The following ZNF385D variants were observed in gnomAD, a reference collection of about 807,000 sequenced individuals.
ZNF385D encodes the protein zinc finger protein 659.
Under a neutral mutation model 35.8 loss-of-function variants are expected in ZNF385D, and 15 were observed. That is an observed-to-expected ratio of 0.42 (90% CI 0.28 to 0.64). The LOEUF (loss-of-function observed/expected upper bound fraction) is 0.64, where lower values mean the gene tolerates loss of function less well. Among genes scored for constraint, ZNF385D ranks in the 30% least tolerant of loss-of-function variants. The pLI, the probability that ZNF385D is intolerant of heterozygous loss-of-function variation, is 0.23. For missense variants in ZNF385D, 474 were observed against 494.6 expected (o/e 0.96, Z 0.39); for synonymous variants, 212 against 186.8 (o/e 1.13, Z -1.10).
chr3:21,665,167 G>A (rs2066367565), intron 1 of ZNF385D, 139 bp from the exon 2 acceptor site: 1 of 1,152,092 alleles, frequency 8.7e-7, no homozygotes, highest in Non-Finnish European at 1.2e-6. Context: ...CCTCAACTGG[G>A]AACCGGCCAA....
intron 3 of ZNF385D, chr3:21,511,905 T>A (rs1398092552): frequency 2.4e-6 from 1 of 416,348 alleles, no homozygotes; most frequent in East Asian, 7.1e-5. Flanking sequence ...TCCAAGCACT[T>A]TGGGAGGCTG....
chr3:21,704,611 C>T (rs925566762), intron 1 of ZNF385D, among the ~76,000 whole-genome samples: 6 of 151,864 alleles, frequency 4.0e-5, no homozygotes, highest in African/African-American at 7.3e-5. Flanking sequence ...CGGGTTCAAG[C>T]GATTCTTTTC....
At chr3:21,982,042 T>A (rs1024834364) in intron 3 of ZNF385D, among the ~76,000 whole-genome samples, 1 of 151,784 alleles carries the variant, frequency 6.6e-6, no homozygotes, top group Non-Finnish European at 1.5e-5. Context: ...CCTTGGCTAT[T>A]TGGGCTCTTT....
At chr3:21,746,927 A>G (rs1436817107) in intron 1 of ZNF385D, among the ~76,000 whole-genome samples, 1 of 152,188 alleles carries the variant, frequency 6.6e-6, no homozygotes, top group East Asian at 1.9e-4. Flanking sequence ...TGCTGACATG[A>G]GAATGTTCTA....
At chr3:21,620,979 C>T (rs898848073) in intron 2 of ZNF385D, among the ~76,000 whole-genome samples, 2 of 151,848 alleles carry the variant, frequency 1.3e-5, no homozygotes, top group African/African-American at 4.8e-5. Flanking sequence ...TGCCCACAGG[C>T]ATGCACATGT....
intron 3 of ZNF385D, among the ~76,000 whole-genome samples, chr3:21,981,776 C>T (rs904841499): frequency 3.3e-5 from 5 of 152,114 alleles, no homozygotes; most frequent in African/African-American, 1.2e-4. Flanking sequence ...CAATCTTCTG[C>T]TTATGGCTAG....
At chr3:22,073,728 T>C (rs1700335787) in intron 3 of ZNF385D, among the ~76,000 whole-genome samples, 1 of 152,018 alleles carries the variant, frequency 6.6e-6, no homozygotes, top group Non-Finnish European at 1.5e-5. Context: ...GGACAGTTTG[T>C]ATTAAGAACT....
chr3:21,989,054 G>T (rs1212826293), intron 3 of ZNF385D, among the ~76,000 whole-genome samples: 1 of 152,070 alleles, frequency 6.6e-6, no homozygotes, highest in Non-Finnish European at 1.5e-5. Context: ...CCCACTGTCT[G>T]GCACTCCCTA....
rs1360304967 is a variant in ZNF385D, at chr3:22,174,944, CAA to C, written c.107-5911_107-5910del. 3.3e-5 allele frequency among the ~76,000 whole-genome samples: 5 copies of C among 152,066 alleles called. No homozygotes were observed. In the East Asian group the frequency reaches 9.7e-4, roughly 29 times the overall value. On this transcript the variant is annotated intron_variant, in intron 2 of 5. Coordinates refer to the ZNF385D transcript ENST00000494108. ...ATGTCTAAATATTCCCCAAATTTTA[CAA>C]AAGTTTTGCTCAAAAAAACTTATTC...
At chr3:21,806,297 T>G (rs915055816) in intron 3 of ZNF385D, among the ~76,000 whole-genome samples, 2 of 151,772 alleles carry the variant, frequency 1.3e-5, no homozygotes, top group Non-Finnish European at 2.9e-5. Context: ...TGAATGCTCA[T>G]GGGTTCACGC....
chr3:21,759,731 T>C (rs1361618848), intron 3 of ZNF385D, among the ~76,000 whole-genome samples: 1 of 152,182 alleles, frequency 6.6e-6, no homozygotes, highest in Non-Finnish European at 1.5e-5. Flanking sequence ...TCAAATATGT[T>C]TGCAAACAAA....
intron 2 of ZNF385D, among the ~76,000 whole-genome samples, chr3:22,269,395 G>A (rs1035738863): frequency 1.3e-5 from 2 of 151,936 alleles, no homozygotes; most frequent in Admixed American, 6.6e-5. Flanking sequence ...ACTGTGAGCT[G>A]CTAAAATAGG....
intron 2 of ZNF385D, among the ~76,000 whole-genome samples, chr3:21,600,702 A>C (rs1210452748): frequency 6.6e-6 from 1 of 152,152 alleles, no homozygotes; most frequent in Non-Finnish European, 1.5e-5. Context: ...GAGAGAGGAA[A>C]TACAGAGGAA....
At position 22,107,567 on chromosome 3, in the gene ZNF385D, A is replaced by T. The variant is rs747010060; in HGVS notation, c.325+61250T>A. Among the ~76,000 whole-genome samples, 66 of 152,276 alleles carry T rather than the reference A, an allele frequency of 4.3e-4. No homozygotes were observed. The Middle Eastern group carries it at 0.01, about 24-fold the overall frequency. On this transcript the variant is annotated intron_variant, in intron 3 of 5. Coordinates refer to the ZNF385D transcript ENST00000494108. ...GAACCTAACCTGAGATGACTTCTTT[A>T]GTGACTACAAATTACATAATTTTAT...
chr3:22,121,280 G>T (rs541016350), intron 3 of ZNF385D, among the ~76,000 whole-genome samples: 1 of 152,132 alleles, frequency 6.6e-6, no homozygotes, highest in Non-Finnish European at 1.5e-5. Context: ...TAGTCCTCCT[G>T]CAAGCGCTTA....
At chr3:21,607,707 T>A (rs1486279142) in intron 2 of ZNF385D, among the ~76,000 whole-genome samples, 1 of 152,106 alleles carries the variant, frequency 6.6e-6, no homozygotes, top group Non-Finnish European at 1.5e-5. Flanking sequence ...CTGGGGAAGC[T>A]TAGGCTGCAG....
At chr3:21,478,259 A>T (rs1432288293) in intron 4 of ZNF385D, among the ~76,000 whole-genome samples, 1 of 152,166 alleles carries the variant, frequency 6.6e-6, no homozygotes, top group African/African-American at 2.4e-5. Flanking sequence ...ATTGTTCAAA[A>T]TATTCAAATA....
chr3:21,684,503 A>G (rs2067041084), intron 1 of ZNF385D, among the ~76,000 whole-genome samples: 2 of 150,922 alleles, frequency 1.3e-5, no homozygotes, highest in Non-Finnish European at 2.9e-5. Context: ...GACCATTTCA[A>G]TAACGGAACC....
intron 2 of ZNF385D, among the ~76,000 whole-genome samples, chr3:22,277,562 G>A (rs891918526): frequency 2.0e-5 from 3 of 152,040 alleles, no homozygotes; most frequent in Non-Finnish European, 4.4e-5. Context: ...AAAGCATAAA[G>A]TTTTTATCAT....
Sources: gnomAD v4.1 joint callset for allele counts (sites outside exome capture counted in the v4.1 genomes callset) on GRCh38, gnomAD v4.1.1 for gene constraint, MANE v1.5 for transcripts, NCBI Gene and HGNC (gene_info 2026-07-23, HGNC 2026-07-21) for gene names.